Variants in HECW2 observed in about 807,000 individuals in gnomAD.
HECW2 encodes HECT, C2 and WW domain containing E3 ubiquitin protein ligase 2.
In HECW2, 61 loss-of-function variants were observed where a neutral mutation model predicts 175.2. The observed-to-expected ratio is 0.35, with a 90% confidence interval of 0.28 to 0.43. HECW2 has a LOEUF of 0.43. Among genes scored for constraint, HECW2 ranks in the 20% least tolerant of loss-of-function variants. The pLI is 1.00. For synonymous variants in HECW2, 671 were observed against 731.0 expected (o/e 0.92, Z 1.32); for missense variants, 1,524 against 2,000.5 (o/e 0.76, Z 4.54).
In HECW2 at chr2:196,277,859, T is replaced by C. The variant is rs529308249; in HGVS notation, c.3135+669A>G. ...TGGGTGAAGCTGGAAACCATCATTC[T>C]CAGCAAACTATCACAAGAACAAAAA... On this transcript the variant is annotated intron_variant, in intron 15 of 28. Transcript: ENST00000644978. 1.1e-4 allele frequency among the ~76,000 whole-genome samples: 16 copies of C among 151,186 alleles called. No homozygotes were observed. The South Asian group carries it at 3.4e-3, about 32-fold the overall frequency.
At chr2:196,462,305 A>G (rs1696779311) in intron 1 of HECW2, among the ~76,000 whole-genome samples, 1 of 152,218 alleles carries the variant, frequency 6.6e-6, no homozygotes, top group African/African-American at 2.4e-5. Flanking sequence ...ATTAAAAATG[A>G]TATGTGCAAT....
Position 196,297,230 on chromosome 2 carries a change from T to C in HECW2, c.2815-4480A>G, listed in dbSNP as rs1690850018. 2.0e-5 allele frequency among the ~76,000 whole-genome samples: 3 copies of C among 152,238 alleles called. No homozygotes were observed. In the South Asian group the frequency reaches 6.2e-4, roughly 32 times the overall value. On this transcript the variant is annotated intron_variant, in intron 13 of 28. Coordinates refer to ENST00000644978, the MANE Select transcript of HECW2 (RefSeq NM_001348768.2). The stretch of plus-strand genomic sequence containing the variant: ...CTTTGACATAATTTAACTATTCTTT[T>C]TAGTTATTCCTTCTCAATTCCAAAA...
Position 196,513,729 on chromosome 2 carries a change from A to C in HECW2, c.-36+79779T>G, listed in dbSNP as rs184312939. Among the ~76,000 whole-genome samples, 19 of 152,362 alleles carry C rather than the reference A, an allele frequency of 1.2e-4. No individual in the cohort carries two copies. In the East Asian group the frequency reaches 3.7e-3, roughly 29 times the overall value. ...TTCCAATAGTCCTGGTATATAAGTCACATGTGAAGAGACAGAGCGGATAAA... is the reference window on the plus strand; with the variant it reads ...TTCCAATAGTCCTGGTATATAAGTCCCATGTGAAGAGACAGAGCGGATAAA... On this transcript the variant is annotated intron_variant, in intron 1 of 28. Coordinates refer to ENST00000644978, the MANE Select transcript of HECW2 (RefSeq NM_001348768.2).
At position 196,240,168 on chromosome 2, in the gene HECW2, C is replaced by A. The variant is rs566017902; in HGVS notation, c.3764+281G>T. On this transcript the variant is annotated intron_variant, in intron 21 of 28. Transcript: ENST00000644978. ...TTTTCCTTGTAAAGCCTTACTTTTT[C>A]CCTTTAAGAGAAAGAGAGGTCCGGA... 16 of 246,536 alleles carry A rather than the reference C, an allele frequency of 6.5e-5. No homozygotes were observed. In the South Asian group the frequency reaches 1.8e-3, roughly 28 times the overall value. 15.3% of individuals were successfully genotyped at this position (246,536 alleles called of 1,614,324 possible). A position where few individuals can be genotyped will look rare whatever the true frequency, so the allele number is the denominator to read the frequency against.
At position 196,517,265 on chromosome 2, in the gene HECW2, G is replaced by A. The variant is rs112358489; in HGVS notation, c.-36+76243C>T. 6.9e-4 allele frequency among the ~76,000 whole-genome samples: 105 copies of A among 152,310 alleles called. 3 individuals are homozygous for A. The highest frequency in any genetic ancestry group is 2.1e-3 in the African/African-American group (87 of 41,572). On this transcript the variant is annotated intron_variant, in intron 1 of 28. Coordinates refer to ENST00000644978, the MANE Select transcript of HECW2 (RefSeq NM_001348768.2). ...GTTCTAAATATTCAATACTAAAGAT[G>A]TTAATTCCTTATGAGGGTTCTTGGA...
intron 17 of HECW2, chr2:196,263,074 G>C (rs1346740468): frequency 6.6e-6 from 1 of 150,866 alleles, no homozygotes; most frequent in African/African-American, 2.4e-5. Context: ...GAATTGGAAA[G>C]CCAATGTCCA....
At chr2:196,333,219 T>C (rs1692432409) in intron 4 of HECW2, among the ~76,000 whole-genome samples, 1 of 152,166 alleles carries the variant, frequency 6.6e-6, no homozygotes, top group African/African-American at 2.4e-5. Flanking sequence ...TTGATTGATG[T>C]CTCTCTTCTG....
At chr2:196,533,078 T>C (rs1462475987) in intron 1 of HECW2, among the ~76,000 whole-genome samples, 1 of 152,218 alleles carries the variant, frequency 6.6e-6, no homozygotes, top group Non-Finnish European at 1.5e-5. Flanking sequence ...TTACTATTCT[T>C]ACCTTAAATA....
intron 1 of HECW2, among the ~76,000 whole-genome samples, chr2:196,545,001 T>C (rs1279642775): frequency 1.3e-5 from 2 of 152,182 alleles, no homozygotes; most frequent in East Asian, 3.9e-4. Flanking sequence ...GTGAAACTCA[T>C]AAGATCTACA....
intron 1 of HECW2, among the ~76,000 whole-genome samples, chr2:196,473,094 C>T (rs958477599): frequency 6.6e-6 from 1 of 152,176 alleles, no homozygotes; most frequent in Admixed American, 6.5e-5. Flanking sequence ...AGCAATTGAT[C>T]GTGACCAGAA....
chr2:196,288,048 G>A (rs936592709), intron 14 of HECW2: 4 of 149,218 alleles, frequency 2.7e-5, no homozygotes, highest in African/African-American at 7.5e-5. Context: ...TGTGCACAAC[G>A]TGCAGGTTTG....
In HECW2 at chr2:196,227,548, T is replaced by C. The variant is rs570749379; in HGVS notation, c.3917+554A>G. Among the ~76,000 whole-genome samples the C allele has an allele frequency of 4.0e-5, 4 of 101,048 alleles. No individual in the cohort carries two copies. The East Asian group carries it at 1.2e-3, about 30-fold the overall frequency. The allele number at this position is 101,048 out of a possible 152,430, so 66.3% of individuals were successfully genotyped here. On this transcript the variant is annotated intron_variant, in intron 22 of 28. Transcript: ENST00000644978. The stretch of plus-strand genomic sequence containing the variant: ...GCCACTGCTTGTGACTCCCCACTCC[T>C]GCCCTTCTACCATCAATGCCCCCAG...
chr2:196,404,514 T>C (rs1194379501), intron 2 of HECW2, among the ~76,000 whole-genome samples: 2 of 152,214 alleles, frequency 1.3e-5, no homozygotes, highest in African/African-American at 4.8e-5. Flanking sequence ...GTGTCACTTT[T>C]TAATTGTGGT....
chr2:196,478,149 C>T (rs1686722621), intron 1 of HECW2, among the ~76,000 whole-genome samples: 1 of 152,074 alleles, frequency 6.6e-6, no homozygotes, highest in East Asian at 1.9e-4. Flanking sequence ...TCTAAAGAAA[C>T]TTAGACACTT....
intron 14 of HECW2, 92 bp from the exon 15 acceptor site, chr2:196,278,754 G>A: frequency 1.4e-6 from 2 of 1,382,272 alleles, no homozygotes; most frequent in African/African-American, 2.9e-5. Flanking sequence ...TCACTTCTGA[G>A]TCACAATCTT....
chr2:196,353,193 TC>T (rs1693233833), intron 2 of HECW2, among the ~76,000 whole-genome samples: 1 of 152,166 alleles, frequency 6.6e-6, no homozygotes, highest in Admixed American at 6.5e-5. Context: ...GCTCTGGCCA[TC>T]CCATTCACCT....
chr2:196,357,840 A>C (rs898844951), intron 2 of HECW2, among the ~76,000 whole-genome samples: 6 of 151,924 alleles, frequency 3.9e-5, no homozygotes, highest in African/African-American at 1.5e-4. Context: ...CTTCCCCTTC[A>C]CCTTCTGCCA....
chr2:196,561,650 C>T (rs1690005607), intron 1 of HECW2, among the ~76,000 whole-genome samples: 1 of 152,110 alleles, frequency 6.6e-6, no homozygotes, highest in Admixed American at 6.5e-5. Flanking sequence ...CCCTTTATTT[C>T]TCAGACCGGC....
At chr2:196,463,358 G>A (rs528088670) in intron 1 of HECW2, among the ~76,000 whole-genome samples, 69 of 147,500 alleles carry the variant, frequency 4.7e-4, no homozygotes, top group African/African-American at 1.6e-3. Flanking sequence ...ATGTAGATTC[G>A]TCACGCAAGT....
Sources: gnomAD v4.1 joint callset for allele counts (sites outside exome capture counted in the v4.1 genomes callset) on GRCh38, gnomAD v4.1.1 for gene constraint, MANE v1.5 for transcripts, NCBI Gene and HGNC (gene_info 2026-07-23, HGNC 2026-07-21) for gene names.